GARNL3: variants seen among roughly 807,000 people sequenced by gnomAD.
GARNL3 encodes GTPase-activating Rap/Ran-GAP domain-like protein 3.
GARNL3 carries 63 observed loss-of-function variants against 125.0 expected under a neutral mutation model. That is an observed-to-expected ratio of 0.50 (90% CI 0.41 to 0.62). GARNL3 has a LOEUF of 0.62. Among genes scored for constraint, GARNL3 ranks in the 20% least tolerant of loss-of-function variants. The pLI is 0.00. For missense variants in GARNL3, 994 were observed against 1,244.0 expected (o/e 0.80, Z 3.02); for synonymous variants, 439 against 457.5 (o/e 0.96, Z 0.52).
chr9:127,253,285 A>C (rs1236382580), intron 2 of GARNL3, among the ~76,000 whole-genome samples: 5 of 152,166 alleles, frequency 3.3e-5, no homozygotes, highest in African/African-American at 1.2e-4. Flanking sequence ...GAAAAAAAAC[A>C]AGGGGGCATG....
rs377725742 is a variant in GARNL3 at position 127,310,544 on chromosome 9, G to A, written c.220-1092G>A. 7.6e-4 allele frequency among the ~76,000 whole-genome samples: 116 copies of A among 152,244 alleles called. 1 individual carries two copies. Among genetic ancestry groups the A allele is most frequent in the African/African-American group, 2.7e-3 (113 of 41,536 alleles). On this transcript the variant is annotated intron_variant, in intron 2 of 27. Coordinates refer to ENST00000373387, the MANE Select transcript of GARNL3 (RefSeq NM_032293.5). ...CACCTGTAATCCCAGCACTTTGGGA[G>A]ACCAATAATCACTTGAGGCCAGGAG...
intron 2 of GARNL3, among the ~76,000 whole-genome samples, chr9:127,251,738 G>A (rs2063407782): frequency 6.6e-6 from 1 of 152,158 alleles, no homozygotes; most frequent in Admixed American, 6.5e-5. Context: ...GGCAATGAAA[G>A]GGATCAGAAT....
chr9:127,353,477 T>C (rs913823827), intron 17 of GARNL3: 1 of 186,258 alleles, frequency 5.4e-6, no homozygotes, highest in Non-Finnish European at 1.1e-5. Flanking sequence ...GAAAAATGGC[T>C]GCTCTTTTTT....
At chr9:127,230,673 G>T (rs941546722) in intron 1 of GARNL3, among the ~76,000 whole-genome samples, 3 of 147,634 alleles carry the variant, frequency 2.0e-5, no homozygotes, top group Non-Finnish European at 4.5e-5. Flanking sequence ...AAAAAAAAAA[G>T]ACGTTTACAT....
chr9:127,388,766 C>A (rs1336306153), intron 25 of GARNL3, 138 bp from the exon 26 acceptor site: 9 of 641,374 alleles, frequency 1.4e-5, no homozygotes, highest in Non-Finnish European at 2.2e-5. Flanking sequence ...CTGGCCAGCC[C>A]TCCCAGTGGG....
intron 22 of GARNL3, among the ~76,000 whole-genome samples, chr9:127,372,959 T>C (rs1320407139): frequency 6.6e-6 from 1 of 152,230 alleles, no homozygotes; most frequent in Non-Finnish European, 1.5e-5. Context: ...AAATTACAGC[T>C]GAATTAAATT....
chr9:127,225,244 A>G (rs2062884531), intron 1 of GARNL3: 2 of 518,254 alleles, frequency 3.9e-6, no homozygotes, highest in Non-Finnish European at 4.9e-6. Context: ...GCGGCGCGCG[A>G]GCCGAGCGGC....
chr9:127,323,488 G>C (rs1248403711), intron 6 of GARNL3, among the ~76,000 whole-genome samples: 1 of 152,196 alleles, frequency 6.6e-6, no homozygotes. Flanking sequence ...GATTCCTTCA[G>C]CCTAGCCCAC....
intron 2 of GARNL3, among the ~76,000 whole-genome samples, chr9:127,246,931 CTTTTT>C (rs35410163): frequency 2.0e-5 from 2 of 99,250 alleles, no homozygotes; most frequent in Admixed American, 1.2e-4. Flanking sequence ...GACCTTCCTT[CTTTTT>C]TTTTTTTTTT....
intron 1 of GARNL3, among the ~76,000 whole-genome samples, chr9:127,241,672 G>A (rs2063206898): frequency 6.6e-6 from 1 of 152,026 alleles, no homozygotes; most frequent in South Asian, 2.1e-4. Context: ...AAGACAAAGG[G>A]GACAGGTAGG....
chr9:127,244,707 C>G (rs2063265441), intron 2 of GARNL3, among the ~76,000 whole-genome samples: 2 of 152,204 alleles, frequency 1.3e-5, no homozygotes. Flanking sequence ...CCATTGACAG[C>G]TCTTATGCAC....
intron 2 of GARNL3, among the ~76,000 whole-genome samples, chr9:127,251,363 T>G (rs1209998729): frequency 6.6e-6 from 1 of 152,212 alleles, no homozygotes; most frequent in Non-Finnish European, 1.5e-5. Flanking sequence ...CCTTCCCTCA[T>G]CACTCTCAAT....
intron 20 of GARNL3, among the ~76,000 whole-genome samples, chr9:127,356,952 C>T (rs1564174586): frequency 6.6e-6 from 1 of 152,244 alleles, no homozygotes; most frequent in Non-Finnish European, 1.5e-5. Context: ...GCAGACCATA[C>T]TGTTGATTGC....
intron 1 of GARNL3, among the ~76,000 whole-genome samples, chr9:127,237,777 A>G (rs559165624): frequency 6.6e-6 from 1 of 152,350 alleles, no homozygotes; most frequent in East Asian, 1.9e-4. Context: ...CAGCGATTGC[A>G]TAGTTTCAGC....
intron 10 of GARNL3, among the ~76,000 whole-genome samples, chr9:127,335,922 G>A (rs2131586332): frequency 6.6e-6 from 1 of 152,282 alleles, no homozygotes; most frequent in East Asian, 1.9e-4. Flanking sequence ...CCCAGAGCTT[G>A]GCCACTGAGA....
intron 11 of GARNL3, among the ~76,000 whole-genome samples, chr9:127,336,679 A>G (rs1485249462): frequency 6.6e-6 from 1 of 152,236 alleles, no homozygotes. Flanking sequence ...AATTTGAGAA[A>G]TGATAGAATT....
At chr9:127,231,075 G>A (rs1342221171) in intron 1 of GARNL3, among the ~76,000 whole-genome samples, 4 of 48,204 alleles carry the variant, frequency 8.3e-5, no homozygotes, top group African/African-American at 4.9e-4. Flanking sequence ...TTTTTTTTGA[G>A]ACAGAGTCTA....
intron 22 of GARNL3, 22 bp downstream of exon 22, chr9:127,365,388 A>G: frequency 6.3e-7 from 1 of 1,580,658 alleles, no homozygotes; most frequent in South Asian, 1.1e-5. Flanking sequence ...ATGTGCTTTT[A>G]TCTTTATTTG....
In GARNL3 at chr9:127,392,986, A is replaced by T; in HGVS notation, c.2871-97A>T. Reference sequence around the variant, plus strand: ...TAACAGTGAGGGTTTGGTGAGCCAAACTCATGAGCTCAGATGAGCAGGAAA... The same window carrying T: ...TAACAGTGAGGGTTTGGTGAGCCAATCTCATGAGCTCAGATGAGCAGGAAA... On this transcript the variant is annotated intron_variant, in intron 27 of 27. Transcript: ENST00000373387. This position sits in a 1 kb window ranked among gnomAD's most constrained non-coding sequence, Gnocchi z 5.2. 9.8e-7 allele frequency: 1 copy of T among 1,021,858 alleles called. No homozygotes were observed. The highest frequency in any genetic ancestry group is 1.7e-5 in the South Asian group (1 of 57,874). The allele number at this position is 1,021,858 out of a possible 1,614,324, so 63.3% of individuals were successfully genotyped here. A position where few individuals can be genotyped will look rare whatever the true frequency, so the allele number is the denominator to read the frequency against.
Sources: allele counts gnomAD v4.1 joint callset (sites outside exome capture counted in the v4.1 genomes callset), GRCh38; gene constraint gnomAD v4.1.1; non-coding constraint Gnocchi (gnomAD v3.1); transcripts MANE v1.5; gene names NCBI Gene and HGNC (gene_info 2026-07-23, HGNC 2026-07-21).